The following PLA1A variants were observed in gnomAD, a reference collection of about 807,000 sequenced individuals.
PLA1A encodes the protein phosphatidylserine-specific phospholipase A1alpha.
A neutral mutation model predicts 49.4 loss-of-function variants in PLA1A; 47 were observed. The observed-to-expected ratio is 0.95, with a 90% CI of 0.75 to 1.21. The LOEUF (loss-of-function observed/expected upper bound fraction) is 1.21. Among genes scored for constraint, PLA1A ranks in the 50% most tolerant of loss-of-function variants. The pLI is 0.00. For missense variants in PLA1A, 561 were observed against 563.9 expected (o/e 0.99, Z 0.05); for synonymous variants, 224 against 207.9 (o/e 1.08, Z -0.67).
At chr3:119,615,945 A>G (rs1319072702) in intron 5 of PLA1A, 67 bp from the exon 6 acceptor site, 1 of 988,470 alleles carries the variant, frequency 1.0e-6, no homozygotes, top group Non-Finnish European at 1.6e-6. Context: ...CCAAGGTCAG[A>G]GTTTGAGGTC....
At position 119,606,787 on chromosome 3, in the gene PLA1A, T is replaced by TA. The variant is rs1447306920; in HGVS notation, c.88dup (p.Thr30AsnfsTer8). ...GTTTTCCTCCAGGGGATGCACCTCC[T>TA]ACCCCACAGCCAAAGTGCGCTGACT... On this transcript the variant is annotated frameshift_variant, in exon 2 of 11. Transcript: ENST00000273371. LOFTEE classifies it high-confidence loss of function. 2 of 1,613,822 alleles carry TA rather than the reference T, an allele frequency of 1.2e-6. No homozygotes were observed. Among genetic ancestry groups the TA allele is most frequent in the East Asian group, 4.5e-5 (2 of 44,904 alleles).
chr3:119,626,412 A>C (rs1283711522), intron 9 of PLA1A, among the ~76,000 whole-genome samples: 1 of 152,208 alleles, frequency 6.6e-6, no homozygotes, highest in African/African-American at 2.4e-5. Flanking sequence ...ACAGAGTCTG[A>C]CTGAGTCCAA....
chr3:119,614,281 T>C (rs1386284282), intron 5 of PLA1A, among the ~76,000 whole-genome samples: 1 of 152,154 alleles, frequency 6.6e-6, no homozygotes, highest in Non-Finnish European at 1.5e-5. Context: ...TTCCTAGCTA[T>C]GTTAGGTGAG....
Position 119,609,531 on chromosome 3 carries a change from G to T in PLA1A, c.517G>T (p.Gly173Cys). The change falls in exon 4 of 11, where the codon GGC becomes TGC. Residue 173 changes from glycine to cysteine, a missense_variant. Coordinates refer to ENST00000273371, the MANE Select transcript of PLA1A (RefSeq NM_015900.4). The stretch of plus-strand genomic sequence containing the variant: ...TGTTAGCCTGGGGGCCCACGTTGGG[G>T]GCATGGTGGGACAGCTCTTCGGAGG... The part of the protein sequence containing the change: ...IGVSLGAHVG[G>C]MVGQLFGGQL... 6.2e-7 allele frequency: 1 copy of T among 1,612,918 alleles called. No individual in the cohort carries two copies. The highest frequency in any genetic ancestry group is 8.5e-7 in the Non-Finnish European group (1 of 1,178,922).
At chr3:119,609,619 G>C (rs1560079935) in intron 4 of PLA1A, 43 bp downstream of exon 4, 1 of 1,084,532 alleles carries the variant, frequency 9.2e-7, no homozygotes. Context: ...TAGAGATAGA[G>C]AAAGCTTGCC....
rs1348917062 is a variant in PLA1A, at chr3:119,616,069, A to C, written c.722A>C (p.Asp241Ala). 6.2e-7 allele frequency: 1 copy of C among 1,613,532 alleles called. No homozygotes were observed. The highest frequency in any genetic ancestry group is 8.5e-7 in the Non-Finnish European group (1 of 1,179,428). ...HVDYFVNGGQDQPGCPTFFYA... is the reference protein window; with the variant it reads ...HVDYFVNGGQAQPGCPTFFYA... ...GACTACTTCGTCAACGGAGGCCAAG[A>C]CCAACCTGGCTGCCCCACCTTCTTT... Residue 241 changes from aspartate (D) to alanine (A), a missense_variant, in exon 6 of 11, where the codon GAC becomes GCC. Coordinates refer to ENST00000273371, the MANE Select transcript of PLA1A (RefSeq NM_015900.4).
chr3:119,618,208 T>C, intron 7 of PLA1A, 22 bp downstream of exon 7: 1 of 1,588,818 alleles, frequency 6.3e-7, no homozygotes, highest in South Asian at 1.1e-5. Flanking sequence ...CCCCTTTGAC[T>C]TCCTTTGACA....
chr3:119,604,108 C>A (rs2082652544), intron 1 of PLA1A, among the ~76,000 whole-genome samples: 2 of 152,176 alleles, frequency 1.3e-5, no homozygotes, highest in South Asian at 4.1e-4. Context: ...TTCTTTAACC[C>A]ATACATTCCT....
intron 3 of PLA1A, 62 bp from the exon 4 acceptor site, chr3:119,609,406 T>C: frequency 9.8e-7 from 1 of 1,022,614 alleles, no homozygotes; most frequent in South Asian, 1.3e-5. Flanking sequence ...GGGGAAAGCC[T>C]GCCACTGTGA....
chr3:119,600,691 A>G (rs1203181300), intron 1 of PLA1A, among the ~76,000 whole-genome samples: 1 of 152,244 alleles, frequency 6.6e-6, no homozygotes, highest in Non-Finnish European at 1.5e-5. Context: ...CAGATTGATT[A>G]AATGACACTC....
At chr3:119,600,803 G>C (rs1274343368) in intron 1 of PLA1A, among the ~76,000 whole-genome samples, 2 of 152,242 alleles carry the variant, frequency 1.3e-5, no homozygotes, top group African/African-American at 4.8e-5. Flanking sequence ...TGATAGCACA[G>C]CTCTGTCTGT....
intron 9 of PLA1A, among the ~76,000 whole-genome samples, chr3:119,627,479 A>G (rs988497305): frequency 5.9e-5 from 9 of 152,250 alleles, no homozygotes; most frequent in Non-Finnish European, 1.3e-4. Flanking sequence ...TGGTTTTTAA[A>G]CAAAATTATA....
At chr3:119,625,361 G>C (rs1004677896) in intron 9 of PLA1A, 129 bp downstream of exon 9, 31 of 627,020 alleles carry the variant, frequency 4.9e-5, no homozygotes, top group African/African-American at 3.1e-4. Flanking sequence ...GCTTGGCTGG[G>C]GGCAGCACCT....
At chr3:119,613,951 C>A (rs912532588) in intron 5 of PLA1A, among the ~76,000 whole-genome samples, 2 of 152,140 alleles carry the variant, frequency 1.3e-5, no homozygotes, top group Non-Finnish European at 1.5e-5. Context: ...AAAGACTCCC[C>A]ATCTCTCAAC....
chr3:119,627,039 A>G (rs560958053), intron 9 of PLA1A, among the ~76,000 whole-genome samples: 1 of 152,282 alleles, frequency 6.6e-6, no homozygotes, highest in East Asian at 1.9e-4. Context: ...AAAAATACTG[A>G]CGCCAAGCCC....
chr3:119,609,342 C>T, intron 3 of PLA1A, 126 bp from the exon 4 acceptor site: 2 of 767,522 alleles, frequency 2.6e-6, no homozygotes, highest in South Asian at 2.8e-5. Flanking sequence ...TTTTTCCCTC[C>T]AAAGTAAGTG....
At chr3:119,610,223 C>A (rs1044907766) in intron 4 of PLA1A, among the ~76,000 whole-genome samples, 1 of 152,116 alleles carries the variant, frequency 6.6e-6, no homozygotes, top group Non-Finnish European at 1.5e-5. Context: ...TCCAGTCTAC[C>A]ATTGGTTGGC....
intron 1 of PLA1A, 137 bp from the exon 2 acceptor site, chr3:119,606,637 A>G (rs2082691888): frequency 1.6e-6 from 1 of 621,730 alleles, no homozygotes; most frequent in South Asian, 2.0e-5. Flanking sequence ...ATGAGTGATT[A>G]TTGCACTAGC....
At chr3:119,599,179 G>C (rs1359813018) in intron 1 of PLA1A, among the ~76,000 whole-genome samples, 2 of 152,184 alleles carry the variant, frequency 1.3e-5, no homozygotes, top group Non-Finnish European at 2.9e-5. Context: ...TGAGGAAGTG[G>C]CTTTCTTTAC....
Sources: gnomAD v4.1 joint callset for allele counts (sites outside exome capture counted in the v4.1 genomes callset) on GRCh38, gnomAD v4.1.1 for gene constraint, MANE v1.5 for transcripts, NCBI Gene and HGNC (gene_info 2026-07-23, HGNC 2026-07-21) for gene names.